ZDHHC7: variants seen among roughly 807,000 people sequenced by gnomAD.
ZDHHC7 encodes palmitoyltransferase ZDHHC7.
Under a neutral mutation model 34.1 loss-of-function variants are expected in ZDHHC7, and 12 were observed. That is an observed-to-expected ratio of 0.35 (90% confidence interval 0.23 to 0.57). The LOEUF (loss-of-function observed/expected upper bound fraction) is 0.57. Ranked by LOEUF, ZDHHC7 falls within the 20% of genes least tolerant of loss-of-function variation. The probability of loss-of-function intolerance (pLI) is 0.84; values close to 1 mark genes in which losing one functional copy is unlikely to be tolerated. For synonymous variants in ZDHHC7, 185 were observed against 155.4 expected, an observed-to-expected ratio of 1.19 and a Z score of -1.42; for missense variants, 388 against 402.7, an observed-to-expected ratio of 0.96 and a Z score of 0.31.
chr16:84,983,914 C>T (rs113165901), intron 3 of ZDHHC7, among the ~76,000 whole-genome samples: 2,845 of 150,068 alleles, frequency 0.019, 92 homozygotes, highest in African/African-American at 0.066. Flanking sequence ...AGGCAGAGCA[C>T]CCGGGAGGTG....
upstream of ZDHHC7, among the ~76,000 whole-genome samples, chr16:85,015,539 T>C (rs1051568896): frequency 1.6e-4 from 24 of 152,150 alleles, no homozygotes; most frequent in African/African-American, 5.6e-4. Context: ...TGCAGGGCCA[T>C]TTCCAAATAT....
intron 2 of ZDHHC7, among the ~76,000 whole-genome samples, chr16:84,995,678 G>A (rs962766450): frequency 6.6e-6 from 1 of 152,122 alleles, no homozygotes; most frequent in African/African-American, 2.4e-5. Flanking sequence ...GTGGAAAGCG[G>A]GGTATTCCCC....
chr16:84,999,747 G>A (rs2072629414), intron 1 of ZDHHC7, among the ~76,000 whole-genome samples: 1 of 152,164 alleles, frequency 6.6e-6, no homozygotes, highest in African/African-American at 2.4e-5. Context: ...ATTGTAAGTT[G>A]ACAGACATGC....
chr16:85,009,701 C>T (rs2072763069), intron 1 of ZDHHC7, among the ~76,000 whole-genome samples: 3 of 132,312 alleles, frequency 2.3e-5, no homozygotes, highest in South Asian at 2.4e-4. Flanking sequence ...CAAGTTCTGA[C>T]TTTTTTTCTT....
chr16:84,990,072 T>G (rs796448513), intron 3 of ZDHHC7, among the ~76,000 whole-genome samples: 1 of 152,238 alleles, frequency 6.6e-6, no homozygotes, highest in African/African-American at 2.4e-5. Flanking sequence ...GGAAGCTGAA[T>G]CTGGTGGCCT....
At chr16:84,982,651 C>G (rs561654049) in intron 3 of ZDHHC7, among the ~76,000 whole-genome samples, 1 of 152,342 alleles carries the variant, frequency 6.6e-6, no homozygotes, top group East Asian at 1.9e-4. Context: ...TGACATGATA[C>G]TTTTGTCTCT....
upstream of ZDHHC7, among the ~76,000 whole-genome samples, chr16:85,013,996 C>G (rs888701744): frequency 2.0e-5 from 3 of 152,146 alleles, no homozygotes; most frequent in African/African-American, 7.2e-5. Context: ...CCTAATTTGT[C>G]TTTGTTACAG....
chr16:84,992,338 G>A (rs1253581894), intron 2 of ZDHHC7, among the ~76,000 whole-genome samples: 1 of 80,442 alleles, frequency 1.2e-5, no homozygotes, highest in Non-Finnish European at 2.1e-5. Flanking sequence ...ACAGTGGCAG[G>A]CGCCTGTACC....
At chr16:85,021,434 C>T in the ZDHHC7 span, among the ~76,000 whole-genome samples, 1 of 131,754 alleles carries the variant, frequency 7.6e-6, no homozygotes, top group Non-Finnish European at 1.6e-5. Flanking sequence ...AAAAGCCAGG[C>T]GTGGTGGCTC....
In ZDHHC7 at chr16:84,990,385, G is replaced by A; in HGVS notation, c.234C>T (p.Tyr78=). The A allele has an allele frequency of 6.2e-7, 1 of 1,614,158 alleles. No homozygotes were observed. Among genetic ancestry groups the A allele is most frequent in the African/African-American group, 1.3e-5 (1 of 75,044 alleles). The change falls in exon 3 of 8, where the codon TAC becomes TAT. Residue 78 remains tyrosine, a synonymous_variant. Transcript: ENST00000313732. ...TAAAGATGACCCCGTTGACCACAGAGTACCAGAAGTCTTTGGAAGGCAGCA... is the reference window on the plus strand; with the variant it reads ...TAAAGATGACCCCGTTGACCACAGAATACCAGAAGTCTTTGGAAGGCAGCA... ...VMLLPSKDFW[Y]SVVNGVIFNC... is the part of the protein sequence containing the mutation.
the ZDHHC7 span, among the ~76,000 whole-genome samples, chr16:85,020,008 G>A: frequency 2.0e-5 from 3 of 152,174 alleles, no homozygotes; most frequent in Non-Finnish European, 4.4e-5. Context: ...GTAAGCCATT[G>A]ACCAAATGAA....
At chr16:84,992,758 G>A (rs1294132663) in intron 2 of ZDHHC7, among the ~76,000 whole-genome samples, 1 of 152,190 alleles carries the variant, frequency 6.6e-6, no homozygotes, top group African/African-American at 2.4e-5. Context: ...ATAAAGGAGT[G>A]TAGTAAGAAT....
At chr16:85,021,748 CAAGA>C in the ZDHHC7 span, among the ~76,000 whole-genome samples, 1 of 141,788 alleles carries the variant, frequency 7.1e-6, no homozygotes, top group African/African-American at 2.6e-5. Flanking sequence ...AGAAAGAGAA[CAAGA>C]GAGAGAGAAA....
At chr16:85,021,373 C>G in the ZDHHC7 span, among the ~76,000 whole-genome samples, 1 of 142,374 alleles carries the variant, frequency 7.0e-6, no homozygotes, top group South Asian at 2.2e-4. Context: ...GATTATGCCA[C>G]TGCACTCCAG....
intron 3 of ZDHHC7, 24 bp downstream of exon 3, chr16:84,990,279 AC>A (rs1306293287): frequency 1.9e-6 from 3 of 1,607,100 alleles, no homozygotes. Context: ...CAAGAGAGCC[AC>A]CCAGAGACGC....
chr16:85,027,259 C>G, the ZDHHC7 span, among the ~76,000 whole-genome samples: 1 of 152,040 alleles, frequency 6.6e-6, no homozygotes, highest in Non-Finnish European at 1.5e-5. Flanking sequence ...AATTTTTATA[C>G]CATTTATTTA....
At chr16:84,979,767 G>C (rs2072342071) in intron 4 of ZDHHC7, among the ~76,000 whole-genome samples, 1 of 152,002 alleles carries the variant, frequency 6.6e-6, no homozygotes, top group South Asian at 2.1e-4. Flanking sequence ...ACCCAGGCAT[G>C]AAGTCGTCTT....
At chr16:84,984,312 T>G (rs2072409239) in intron 3 of ZDHHC7, among the ~76,000 whole-genome samples, 2 of 152,320 alleles carry the variant, frequency 1.3e-5, no homozygotes, top group South Asian at 4.1e-4. Flanking sequence ...TGAGCCACCG[T>G]GCCTGGCCTG....
At chr16:85,004,170 C>T (rs1476582547) in intron 1 of ZDHHC7, among the ~76,000 whole-genome samples, 1 of 152,050 alleles carries the variant, frequency 6.6e-6, no homozygotes, top group Admixed American at 6.6e-5. Context: ...TCTTTCCCAT[C>T]TCAATCAACG....
Sources: gnomAD v4.1 joint callset for allele counts (sites outside exome capture counted in the v4.1 genomes callset) on GRCh38, gnomAD v4.1.1 for gene constraint, MANE v1.5 for transcripts, NCBI Gene and HGNC (gene_info 2026-07-23, HGNC 2026-07-21) for gene names.